PCDHGC5: variants seen among roughly 807,000 people sequenced by gnomAD.
PCDHGC5 encodes protocadherin gamma subfamily C, 5.
In PCDHGC5, 25 loss-of-function variants were observed where a neutral mutation model predicts 59.0. The ratio of observed to expected loss-of-function variants is 0.42; its 90% CI spans 0.31 to 0.59. The LOEUF is 0.59. PCDHGC5 is among the 20% of genes least tolerant of loss of function. PCDHGC5 has a pLI of 0.13. For synonymous variants in PCDHGC5, 434 were observed against 505.5 expected, an observed-to-expected ratio of 0.86 and a Z score of 1.90; for missense variants, 1,067 against 1,206.4, an observed-to-expected ratio of 0.88 and a Z score of 1.71.
rs2099883868 is a variant in PCDHGC5 at position 141,511,590 on chromosome 5, A to G, written c.*417A>G. On this transcript the variant is annotated 3_prime_UTR_variant, in exon 4 of 4. Transcript: ENST00000252087. The stretch of plus-strand genomic sequence containing the variant: ...AGTAAGGTGGTTGGGGTGTTGAAGT[A>G]CCAAGTAACCTACAAGCCTCCTAGT... 3.7e-6 allele frequency: 1 copy of G among 267,908 alleles called. No individual in the cohort carries two copies. The highest frequency in any genetic ancestry group is 7.4e-6 in the Non-Finnish European group (1 of 135,038). 16.6% of individuals were successfully genotyped at this position (267,908 alleles called of 1,614,324 possible). A position where few individuals can be genotyped will look rare whatever the true frequency, so the allele number is the denominator to read the frequency against.
Position 141,490,970 on chromosome 5 carries a change from A to G in PCDHGC5, c.1730A>G (p.Gln577Arg). ...PRPDWEHSAP[Q>R]RLPRSAPPGS... ...CCAGACTGGGAACACTCAGCCCCCC[A>G]GCGTCTCCCTCGCTCTGCTCCTCCT... The change falls in exon 1 of 4, where the codon CAG becomes CGG. Residue 577 changes from glutamine to arginine, a missense_variant. Physicochemically the swap from Gln to Arg is conservative, Grantham distance 43. Coordinates refer to ENST00000252087, the MANE Select transcript of PCDHGC5 (RefSeq NM_018929.3). This position sits in a 1 kb window ranked among gnomAD's most constrained non-coding sequence, Gnocchi z 5.4. 1 of 1,613,858 alleles carries G rather than the reference A, an allele frequency of 6.2e-7. No individual in the cohort carries two copies. Among genetic ancestry groups the G allele is most frequent in the South Asian group, 1.1e-5 (1 of 91,062 alleles).
intron 2 of PCDHGC5, among the ~76,000 whole-genome samples, chr5:141,501,838 G>A (rs888418141): frequency 6.6e-6 from 1 of 152,000 alleles, no homozygotes; most frequent in African/African-American, 2.4e-5. Flanking sequence ...CACCTGTTTG[G>A]CCCTCAACCT....
At chr5:141,498,089 A>G (rs1402239680) in intron 2 of PCDHGC5, among the ~76,000 whole-genome samples, 3 of 152,370 alleles carry the variant, frequency 2.0e-5, no homozygotes, top group South Asian at 2.1e-4. Context: ...GTAGAATTGT[A>G]TCTGGTGGTG....
At chr5:141,499,025 GAAGA>G (rs1309889371) in intron 2 of PCDHGC5, among the ~76,000 whole-genome samples, 11 of 140,712 alleles carry the variant, frequency 7.8e-5, no homozygotes, top group African/African-American at 2.6e-4. Flanking sequence ...AGGAAGGAAG[GAAGA>G]AAAGAAAGAA....
intron 2 of PCDHGC5, among the ~76,000 whole-genome samples, chr5:141,503,998 A>G (rs746158378): frequency 4.6e-5 from 7 of 152,104 alleles, no homozygotes; most frequent in Admixed American, 1.3e-4. Context: ...CCTTACAGTC[A>G]CTTAACTGTC....
chr5:141,504,206 A>C (rs1209911822), intron 2 of PCDHGC5, among the ~76,000 whole-genome samples: 1 of 152,218 alleles, frequency 6.6e-6, no homozygotes, highest in East Asian at 1.9e-4. Context: ...CTGTGGGAAA[A>C]TTCCAAGTAG....
rs774079222 is a variant in PCDHGC5, at chr5:141,491,314, C to G, written c.2074C>G (p.Leu692Val). The change falls in exon 1 of 4, where the codon CTT becomes GTT. Residue 692 changes from leucine to valine, a missense_variant. By Grantham distance (32) the Leu-to-Val change is conservative. Transcript: ENST00000252087. The surrounding 1 kb of genome is among the most constrained non-coding windows in gnomAD (Gnocchi z 6.9). ...CCCTCCTGAGCGTTCAGACCTTACC[C>G]TTTACCTCATTGTGGCTCTAGCGAC... is the stretch of plus-strand genomic sequence containing the variant. ...IHPPERSDLTLYLIVALATVS... is the reference protein window; with the variant it reads ...IHPPERSDLTVYLIVALATVS... 6 of 1,614,064 alleles carry G rather than the reference C, an allele frequency of 3.7e-6. No individual in the cohort carries two copies. In the South Asian group the frequency reaches 5.5e-5, roughly 15 times the overall value.
At chr5:141,499,726 ACT>A (rs1368224475) in intron 2 of PCDHGC5, among the ~76,000 whole-genome samples, 1 of 128,608 alleles carries the variant, frequency 7.8e-6, no homozygotes, top group African/African-American at 3.0e-5. Flanking sequence ...ACAGAGTCTC[ACT>A]CTCTTGCCCA....
chr5:141,503,556 G>A (rs1021346255), intron 2 of PCDHGC5, among the ~76,000 whole-genome samples: 1 of 145,962 alleles, frequency 6.9e-6, no homozygotes, highest in East Asian at 2.0e-4. Context: ...CCGAGATCGC[G>A]CCACTGTACT....
rs888457230 is a variant in PCDHGC5, at chr5:141,493,727, C to T, written c.2461-1080C>T. On this transcript the variant is annotated intron_variant, in intron 1 of 3. Transcript: ENST00000252087. This position sits in a 1 kb window ranked among gnomAD's most constrained non-coding sequence, Gnocchi z 4.3. ...TGGAATGCTAGGTTTCTGGGTTCTG[C>T]TCATATCACTGCCACCTGTGAGCCT... Among the ~76,000 whole-genome samples, 2 of 152,184 alleles carry T rather than the reference C, an allele frequency of 1.3e-5. No homozygotes were observed. Among genetic ancestry groups the T allele is most frequent in the Admixed American group, 6.5e-5 (1 of 15,280 alleles).
intron 3 of PCDHGC5, among the ~76,000 whole-genome samples, chr5:141,506,435 G>C (rs1470687416): frequency 7.9e-6 from 1 of 126,278 alleles, no homozygotes; most frequent in East Asian, 2.1e-4. Flanking sequence ...CAACAGTCTC[G>C]CTCTGTCTCA....
At chr5:141,501,926 C>T (rs1388315216) in intron 2 of PCDHGC5, among the ~76,000 whole-genome samples, 1 of 152,126 alleles carries the variant, frequency 6.6e-6, no homozygotes, top group African/African-American at 2.4e-5. Flanking sequence ...AGCTTTGTTC[C>T]CTCAACACCA....
In PCDHGC5 at chr5:141,490,499, A is replaced by G. The variant is rs1269710790; in HGVS notation, c.1259A>G (p.Tyr420Cys). Residue 420 changes from tyrosine (Y) to cysteine (C), a missense_variant, in exon 1 of 4, where the codon TAT becomes TGT. Tyr to Cys is a radical substitution (Grantham distance 194). Coordinates refer to ENST00000252087, the MANE Select transcript of PCDHGC5 (RefSeq NM_018929.3). The surrounding 1 kb of genome is among the most constrained non-coding windows in gnomAD (Gnocchi z 5.4). ...TTGGACCGGGAGGCCACATCCCACT[A>G]TATCATCGAGCTGCTGGCCAGCGAT... ...QPLDREATSH[Y>C]IIELLASDAG... is the part of the protein sequence containing the mutation. 1.2e-6 allele frequency: 2 copies of G among 1,614,148 alleles called. No homozygotes were observed. Among genetic ancestry groups the G allele is most frequent in the Non-Finnish European group, 8.5e-7 (1 of 1,180,020 alleles).
At chr5:141,495,896 CTCTG>C (rs1175207502) in intron 2 of PCDHGC5, among the ~76,000 whole-genome samples, 2 of 152,108 alleles carry the variant, frequency 1.3e-5, no homozygotes, top group Non-Finnish European at 2.9e-5. Flanking sequence ...CTCTCTTTGT[CTCTG>C]TCTCTGTATA....
chr5:141,510,814 C>CA, intron 3 of PCDHGC5, 133 bp from the exon 4 acceptor site: 1 of 1,544,688 alleles, frequency 6.5e-7, no homozygotes, highest in Admixed American at 1.8e-5. Flanking sequence ...TTGGTGACCC[C>CA]TATATTCCCA....
chr5:141,499,582 T>C (rs952280239), intron 2 of PCDHGC5, among the ~76,000 whole-genome samples: 7 of 152,164 alleles, frequency 4.6e-5, no homozygotes, highest in African/African-American at 7.2e-5. Flanking sequence ...TAATGCCTTA[T>C]CTTGTTTCAC....
chr5:141,491,291 C>A lies in PCDHGC5; in HGVS notation c.2051C>A (p.Pro684His). The A allele has an allele frequency of 8.1e-6, 13 of 1,614,152 alleles. No individual in the cohort carries two copies. Among genetic ancestry groups the A allele is most frequent in the Non-Finnish European group, 1.1e-5 (13 of 1,179,974 alleles). The change falls in exon 1 of 4, where the codon CCT becomes CAT. Residue 684 changes from proline to histidine, a missense_variant. Transcript: ENST00000252087. This position sits in a 1 kb window ranked among gnomAD's most constrained non-coding sequence, Gnocchi z 6.9. The stretch of plus-strand genomic sequence containing the variant: ...AAATCCAGTGACTTCCTCATACACC[C>A]TCCTGAGCGTTCAGACCTTACCCTT... Reference protein sequence around the residue: ...MPKSSDFLIHPPERSDLTLYL... With the variant: ...MPKSSDFLIHHPERSDLTLYL...
At chr5:141,509,136 C>T (rs1217992935) in intron 3 of PCDHGC5, among the ~76,000 whole-genome samples, 1 of 152,142 alleles carries the variant, frequency 6.6e-6, no homozygotes, top group Non-Finnish European at 1.5e-5. Context: ...AAAACCGAGG[C>T]GCATCCCGGC....
chr5:141,492,064 C>T (rs1562152072), intron 1 of PCDHGC5: 3 of 484,366 alleles, frequency 6.2e-6, no homozygotes, highest in Non-Finnish European at 1.1e-5. Context: ...AGCCAGCCTC[C>T]TAGGCGCCGG....
Sources: gnomAD v4.1 joint callset for allele counts (sites outside exome capture counted in the v4.1 genomes callset) on GRCh38, gnomAD v4.1.1 for gene constraint, Gnocchi (gnomAD v3.1) non-coding constraint, MANE v1.5 for transcripts, NCBI Gene and HGNC (gene_info 2026-07-23, HGNC 2026-07-21) for gene names.